Variants in MGAT4C observed in about 807,000 individuals in gnomAD.
MGAT4C encodes the protein alpha-1,3-mannosyl-glycoprotein 4-beta-N-acetylglucosaminyltransferase C.
In MGAT4C, 19 loss-of-function variants were observed where a neutral mutation model predicts 40.1. The observed-to-expected ratio is 0.47, with a 90% CI of 0.33 to 0.70. MGAT4C has a LOEUF of 0.70. Among genes scored for constraint, MGAT4C ranks in the 30% least tolerant of loss-of-function variants. The pLI is 0.02. For synonymous variants in MGAT4C, 181 were observed against 187.1 expected, an observed-to-expected ratio of 0.97 and a Z score of 0.27; for missense variants, 491 against 563.2, an observed-to-expected ratio of 0.87 and a Z score of 1.30.
intron 4 of MGAT4C, among the ~76,000 whole-genome samples, chr12:86,293,706 AC>A (rs1953585010): frequency 1.3e-5 from 2 of 152,082 alleles, no homozygotes; most frequent in African/African-American, 4.8e-5. Context: ...TGTAATCCCC[AC>A]GTGTCAAGGG....
chr12:86,727,217 G>A (rs1950836544), exon 2 of MGAT4C: 1 of 152,088 alleles, frequency 6.6e-6, no homozygotes, highest in Admixed American at 6.6e-5. Flanking sequence ...ACCCATCCAA[G>A]TAGAATGTAA....
chr12:86,758,719 G>A (rs1415779588), intron 1 of MGAT4C, among the ~76,000 whole-genome samples: 1 of 151,988 alleles, frequency 6.6e-6, no homozygotes, highest in Non-Finnish European at 1.5e-5. Flanking sequence ...TTTATATATG[G>A]TGGTTATTTT....
chr12:86,175,721 G>A (rs914966330), intron 1 of MGAT4C, among the ~76,000 whole-genome samples: 5 of 150,086 alleles, frequency 3.3e-5, no homozygotes, highest in African/African-American at 1.2e-4. Flanking sequence ...GGAGGCCGAG[G>A]CGGGCGGATC....
chr12:86,484,467 C>A (rs1461307341), intron 2 of MGAT4C, among the ~76,000 whole-genome samples: 1 of 152,220 alleles, frequency 6.6e-6, no homozygotes, highest in Non-Finnish European at 1.5e-5. Context: ...TGGTGCTTTG[C>A]CTGCAGTCCC....
chr12:86,051,427 T>C (rs1322680585), intron 1 of MGAT4C, among the ~76,000 whole-genome samples: 1 of 151,900 alleles, frequency 6.6e-6, no homozygotes, highest in Non-Finnish European at 1.5e-5. Context: ...AGAATCCCAT[T>C]AGTGATTTAT....
At chr12:86,038,821 T>C (rs931626555) in intron 2 of MGAT4C, among the ~76,000 whole-genome samples, 2 of 149,940 alleles carry the variant, frequency 1.3e-5, no homozygotes, top group Non-Finnish European at 3.0e-5. Context: ...AGTTTCTTCA[T>C]AGTGTTGATG....
chr12:86,493,290 T>G (rs1312796967), intron 2 of MGAT4C, among the ~76,000 whole-genome samples: 2 of 151,810 alleles, frequency 1.3e-5, no homozygotes, highest in African/African-American at 4.9e-5. Context: ...AGCTATCCCA[T>G]TACTGGGTAT....
At chr12:86,213,365 C>G (rs181246263) in intron 1 of MGAT4C, among the ~76,000 whole-genome samples, 1 of 152,102 alleles carries the variant, frequency 6.6e-6, no homozygotes, top group African/African-American at 2.4e-5. Context: ...ATAGATTGAT[C>G]GGTTCACAGA....
At chr12:86,416,244 T>C (rs116511727) in intron 3 of MGAT4C, among the ~76,000 whole-genome samples, 237 of 152,132 alleles carry the variant, frequency 1.6e-3, no homozygotes, top group African/African-American at 5.3e-3. Flanking sequence ...CTGGCTGAGA[T>C]GGAAAAAATG....
intron 3 of MGAT4C, among the ~76,000 whole-genome samples, chr12:86,348,770 T>C (rs1955095056): frequency 6.6e-6 from 1 of 152,286 alleles, no homozygotes; most frequent in African/African-American, 2.4e-5. Flanking sequence ...TCATTCGTGA[T>C]GTTTGGTATA....
chr12:86,004,784 C>T (rs61931066), intron 2 of MGAT4C, among the ~76,000 whole-genome samples: 10,774 of 152,176 alleles, frequency 0.071, 535 homozygotes, highest in Middle Eastern at 0.24. Flanking sequence ...ACAGAACCAG[C>T]CCAATCTGGT....
intron 3 of MGAT4C, among the ~76,000 whole-genome samples, chr12:86,430,445 A>T (rs536881741): frequency 1.3e-5 from 2 of 152,116 alleles, no homozygotes; most frequent in East Asian, 3.9e-4. Context: ...CTGATTTTGG[A>T]AAAGCCAGCT....
intron 2 of MGAT4C, among the ~76,000 whole-genome samples, chr12:86,510,122 A>G (rs1219825435): frequency 2.0e-5 from 3 of 152,104 alleles, no homozygotes; most frequent in Admixed American, 6.6e-5. Context: ...GTGAGAGAGG[A>G]CATCCCTGTC....
In MGAT4C at chr12:86,405,293, A is replaced by C. The variant is rs111858746; in HGVS notation, c.-120+29864T>G. On this transcript the variant is annotated intron_variant, in intron 3 of 7. Coordinates refer to the MGAT4C transcript ENST00000548651. ...ATGTTCCTAGAACTAATAAGTGAGT[A>C]CAGAACAGTCAATAAACAGCAGAAG... Among the ~76,000 whole-genome samples the C allele has an allele frequency of 5.8e-3, 877 of 152,150 alleles. 7 individuals carry two copies. The highest frequency in any genetic ancestry group is 0.02 in the African/African-American group (841 of 41,544).
chr12:86,551,785 T>C (rs1959376032), intron 2 of MGAT4C, among the ~76,000 whole-genome samples: 1 of 152,070 alleles, frequency 6.6e-6, no homozygotes, highest in South Asian at 2.1e-4. Context: ...CTGCCATAAA[T>C]TCTCTCAACT....
At chr12:86,125,109 A>C (rs549417887) in intron 1 of MGAT4C, among the ~76,000 whole-genome samples, 5 of 152,234 alleles carry the variant, frequency 3.3e-5, no homozygotes, top group African/African-American at 1.2e-4. Flanking sequence ...TAACTATCTT[A>C]TTTGGAAGGA....
intron 4 of MGAT4C, among the ~76,000 whole-genome samples, chr12:86,276,509 G>A (rs1396754111): frequency 6.6e-6 from 1 of 152,022 alleles, no homozygotes; most frequent in Non-Finnish European, 1.5e-5. Context: ...ATAGTAGAAG[G>A]TATTCATTTT....
At chr12:86,505,839 C>G (rs901824066) in intron 2 of MGAT4C, among the ~76,000 whole-genome samples, 1 of 152,120 alleles carries the variant, frequency 6.6e-6, no homozygotes, top group Admixed American at 6.6e-5. Flanking sequence ...AGACTCTTTA[C>G]AACTTTCTCT....
chr12:86,460,502 T>G (rs564117462), intron 2 of MGAT4C, among the ~76,000 whole-genome samples: 1 of 152,184 alleles, frequency 6.6e-6, no homozygotes, highest in Non-Finnish European at 1.5e-5. Flanking sequence ...ACATTAAAAC[T>G]TATTATTAAT....
Sources: gnomAD v4.1 joint callset for allele counts (sites outside exome capture counted in the v4.1 genomes callset) on GRCh38, gnomAD v4.1.1 for gene constraint, MANE v1.5 for transcripts, NCBI Gene and HGNC (gene_info 2026-07-23, HGNC 2026-07-21) for gene names.